The following COL4A1 variants were observed in gnomAD, a reference collection of about 807,000 sequenced individuals.
COL4A1 encodes collagen alpha-1(IV) chain.
COL4A1 carries 40 observed loss-of-function variants against 216.6 expected under a neutral mutation model. That is an observed-to-expected ratio of 0.18 (90% CI 0.14 to 0.24). COL4A1 has a LOEUF of 0.24. Among genes scored for constraint, COL4A1 ranks in the 10% least tolerant of loss-of-function variants. The pLI is 1.00. For synonymous variants in COL4A1, 839 were observed against 810.7 expected (o/e 1.03, Z -0.59); for missense variants, 1,628 against 2,196.8 (o/e 0.74, Z 5.18).
chr13:110,274,506 C>A (rs1883362218), intron 1 of COL4A1, among the ~76,000 whole-genome samples: 1 of 152,182 alleles, frequency 6.6e-6, no homozygotes, highest in South Asian at 2.1e-4. Flanking sequence ...AAGTCACTAA[C>A]TCCCTACACC....
chr13:110,212,893 T>C (rs1017260892), intron 4 of COL4A1, among the ~76,000 whole-genome samples: 3 of 152,096 alleles, frequency 2.0e-5, no homozygotes, highest in Non-Finnish European at 2.9e-5. Flanking sequence ...AACGAGTGGA[T>C]AGAGAAAAGG....
chr13:110,170,448 A>G, intron 42 of COL4A1, 99 bp downstream of exon 42: 1 of 1,338,176 alleles, frequency 7.5e-7, no homozygotes, highest in South Asian at 1.3e-5. Context: ...CTTCTAAATA[A>G]AAAAGCCCAA....
intron 2 of COL4A1, among the ~76,000 whole-genome samples, chr13:110,231,406 T>C (rs987205016): frequency 1.3e-5 from 2 of 152,136 alleles, no homozygotes; most frequent in African/African-American, 4.8e-5. Flanking sequence ...GAGGCGTAAA[T>C]CATGGGCCAC....
At chr13:110,247,338 A>C (rs1881863904) in intron 1 of COL4A1, among the ~76,000 whole-genome samples, 1 of 152,314 alleles carries the variant, frequency 6.6e-6, no homozygotes, top group Middle Eastern at 3.4e-3. Context: ...CTTTAAACGA[A>C]AACAAAAAAT....
At chr13:110,237,697 C>A (rs1207899421) in intron 2 of COL4A1, among the ~76,000 whole-genome samples, 1 of 152,254 alleles carries the variant, frequency 6.6e-6, no homozygotes, top group Non-Finnish European at 1.5e-5. Flanking sequence ...CACTCACAAG[C>A]CAGGATTTTT....
chr13:110,281,996 C>T (rs1288915237), intron 1 of COL4A1, among the ~76,000 whole-genome samples: 4 of 152,188 alleles, frequency 2.6e-5, no homozygotes, highest in African/African-American at 9.7e-5. Flanking sequence ...TGCGTGTCCT[C>T]GCCTCACCTT....
At position 110,301,208 on chromosome 13, in the gene COL4A1, G is replaced by A. The variant is rs576560544; in HGVS notation, c.84+5736C>T. On this transcript the variant is annotated intron_variant, in intron 1 of 51. Coordinates refer to ENST00000375820, the MANE Select transcript of COL4A1 (RefSeq NM_001845.6). ...CCACAGGGGTGGACAGTGTAAGCCA[G>A]CAGGCAGCTCCCTCTAGGACACTCC... 3.3e-5 allele frequency among the ~76,000 whole-genome samples: 5 copies of A among 152,344 alleles called. No individual in the cohort carries two copies. The East Asian group carries it at 9.6e-4, about 29-fold the overall frequency.
In COL4A1 at chr13:110,189,329, C is replaced by T. The variant is rs1878532984; in HGVS notation, c.1537-2000G>A. Among the ~76,000 whole-genome samples, 6 of 152,352 alleles carry T rather than the reference C, an allele frequency of 3.9e-5. No individual in the cohort carries two copies. The South Asian group carries it at 1.2e-3, about 32-fold the overall frequency. On this transcript the variant is annotated intron_variant, in intron 24 of 51. Coordinates refer to ENST00000375820, the MANE Select transcript of COL4A1 (RefSeq NM_001845.6). Reference sequence around the variant, plus strand: ...CCGCCCGCCTCGGCCTCCCAAAGTGCTGGGATTTCAGGCGTGAGCCACCGT... The same window carrying T: ...CCGCCCGCCTCGGCCTCCCAAAGTGTTGGGATTTCAGGCGTGAGCCACCGT...
At chr13:110,180,391 G>A (rs1023173818) in intron 29 of COL4A1, among the ~76,000 whole-genome samples, 1 of 152,212 alleles carries the variant, frequency 6.6e-6, no homozygotes, top group Admixed American at 6.5e-5. Context: ...CACCAGAGGA[G>A]GGCACCCTGC....
chr13:110,192,983 A>G, intron 22 of COL4A1, 70 bp from the exon 23 acceptor site: 1 of 1,420,474 alleles, frequency 7.0e-7, no homozygotes, highest in South Asian at 1.2e-5. Context: ...CACTGAGAGA[A>G]CAGAAAAAGG....
At chr13:110,264,540 T>C (rs1882950080) in intron 1 of COL4A1, among the ~76,000 whole-genome samples, 1 of 152,204 alleles carries the variant, frequency 6.6e-6, no homozygotes, top group South Asian at 2.1e-4. Context: ...GTTAAAATAA[T>C]GTATTTCAAT....
intron 1 of COL4A1, among the ~76,000 whole-genome samples, chr13:110,281,326 T>G (rs1454969673): frequency 1.3e-5 from 2 of 152,248 alleles, no homozygotes. Context: ...AATTTTTTAA[T>G]GTTCCAAAAA....
chr13:110,208,807 T>C (rs750668377), intron 12 of COL4A1, 42 bp downstream of exon 12: 2 of 1,599,672 alleles, frequency 1.3e-6, no homozygotes, highest in Non-Finnish European at 1.7e-6. Flanking sequence ...GTGAGGACTG[T>C]GGTTTTCAAC....
At chr13:110,182,859 A>G (rs974601242) in intron 28 of COL4A1, 134 bp downstream of exon 28, 5 of 781,126 alleles carry the variant, frequency 6.4e-6, no homozygotes, top group Middle Eastern at 3.7e-4. Context: ...TGGGCTCAGC[A>G]CTGCTTGGGC....
chr13:110,208,061 G>T (rs1254976270), intron 12 of COL4A1, among the ~76,000 whole-genome samples: 1 of 152,220 alleles, frequency 6.6e-6, no homozygotes, highest in Admixed American at 6.5e-5. Flanking sequence ...CCACTGTATT[G>T]GGCGCTCTGG....
intron 24 of COL4A1, among the ~76,000 whole-genome samples, chr13:110,189,515 C>G (rs1298927153): frequency 1.3e-5 from 2 of 152,196 alleles, no homozygotes; most frequent in African/African-American, 4.8e-5. Flanking sequence ...CCCTTATGAC[C>G]TGGGACACTT....
Position 110,164,819 on chromosome 13 carries a change from T to A in COL4A1, c.4150+43A>T, listed in dbSNP as rs1877259152. ...GAGGAGGAACTCTGACCACTGCCCC[T>A]CTGGGCTCCCCATACCGCCCTGCAC... On this transcript the variant is annotated intron_variant, in intron 46 of 51. Coordinates refer to ENST00000375820, the MANE Select transcript of COL4A1 (RefSeq NM_001845.6). The A allele has an allele frequency of 2.5e-6, 4 of 1,608,510 alleles. No individual in the cohort carries two copies. In the East Asian group the frequency reaches 8.9e-5, roughly 36 times the overall value.
chr13:110,225,354 C>A (rs959490217), intron 2 of COL4A1, among the ~76,000 whole-genome samples: 1 of 152,206 alleles, frequency 6.6e-6, no homozygotes, highest in Admixed American at 6.5e-5. Flanking sequence ...GAGGCCAAGG[C>A]GGGTGGATCA....
chr13:110,252,666 T>C (rs961214206), intron 1 of COL4A1, among the ~76,000 whole-genome samples: 2 of 143,436 alleles, frequency 1.4e-5, no homozygotes, highest in African/African-American at 2.5e-5. Context: ...TATATGTATA[T>C]ATACATATAA....
Sources: allele counts gnomAD v4.1 joint callset (sites outside exome capture counted in the v4.1 genomes callset), GRCh38; gene constraint gnomAD v4.1.1; transcripts MANE v1.5; gene names NCBI Gene and HGNC (gene_info 2026-07-23, HGNC 2026-07-21).